Variants in SOCS2 observed in about 807,000 individuals in gnomAD.
The protein encoded by SOCS2 is CIS-2.
SOCS2 carries 10 observed loss-of-function variants against 18.6 expected under a neutral mutation model. The observed-to-expected ratio is 0.54, with a 90% CI of 0.33 to 0.91. SOCS2 has a LOEUF of 0.91. Ranked by LOEUF, SOCS2 falls within the 40% of genes least tolerant of loss-of-function variation. The probability of loss-of-function intolerance (pLI) is 0.02; values close to 1 mark genes in which losing one functional copy is unlikely to be tolerated. For missense variants in SOCS2, 231 were observed against 247.2 expected, an observed-to-expected ratio of 0.93 and a Z score of 0.44; for synonymous variants, 104 against 104.0, an observed-to-expected ratio of 1.00 and a Z score of 0.00.
chr12:93,587,129 C>T (rs535809025), downstream of SOCS2, among the ~76,000 whole-genome samples: 16 of 152,240 alleles, frequency 1.1e-4, no homozygotes, highest in Admixed American at 3.9e-4. Context: ...GATGGCACCA[C>T]TGCACTCCTG....
the SOCS2 span, among the ~76,000 whole-genome samples, chr12:93,611,120 T>A: frequency 0.015 from 2,317 of 152,284 alleles, 72 homozygotes; most frequent in African/African-American, 0.053. Context: ...GATGAACTTC[T>A]GGCCAGTTAT....
the SOCS2 span, among the ~76,000 whole-genome samples, chr12:93,626,071 A>G: frequency 1.3e-5 from 2 of 152,210 alleles, no homozygotes; most frequent in South Asian, 4.1e-4. Flanking sequence ...TGGGTTTTAG[A>G]CGGTTCTGCC....
At chr12:93,622,775 C>T in the SOCS2 span, among the ~76,000 whole-genome samples, 4 of 152,100 alleles carry the variant, frequency 2.6e-5, no homozygotes, top group Non-Finnish European at 5.9e-5. Context: ...GCACATCTCA[C>T]TCAGAAATCG....
chr12:93,589,039 G>C, the SOCS2 span, among the ~76,000 whole-genome samples: 1 of 152,186 alleles, frequency 6.6e-6, no homozygotes, highest in Admixed American at 6.5e-5. Context: ...TGCCACATGT[G>C]TTCCTTTCTT....
the SOCS2 span, among the ~76,000 whole-genome samples, chr12:93,590,822 A>AAAAAAAAAG: frequency 1.4e-5 from 2 of 142,884 alleles, 1 homozygote; most frequent in African/African-American, 5.3e-5. Context: ...AAAAAAAAAA[A>AAAAAAAAAG]GTTAGCTTCC....
At chr12:93,598,309 G>T in the SOCS2 span, among the ~76,000 whole-genome samples, 1 of 151,948 alleles carries the variant, frequency 6.6e-6, no homozygotes, top group Admixed American at 6.6e-5. Flanking sequence ...GGAGGAAGTA[G>T]GAGATGAGCT....
chr12:93,624,231 AC>A, the SOCS2 span, among the ~76,000 whole-genome samples: 1 of 152,118 alleles, frequency 6.6e-6, no homozygotes, highest in African/African-American at 2.4e-5. Context: ...CAGACACGAA[AC>A]CTGCCAGCGC....
the SOCS2 span, among the ~76,000 whole-genome samples, chr12:93,603,774 A>C: frequency 1.3e-5 from 2 of 152,214 alleles, no homozygotes. Context: ...ATGTAGTCTG[A>C]AAATGGCCAA....
At chr12:93,609,316 C>G in the SOCS2 span, among the ~76,000 whole-genome samples, 1 of 151,868 alleles carries the variant, frequency 6.6e-6, no homozygotes, top group Non-Finnish European at 1.5e-5. Flanking sequence ...TGCTTGAACC[C>G]GGGAGACAGA....
chr12:93,594,862 C>A, the SOCS2 span, among the ~76,000 whole-genome samples: 3 of 152,080 alleles, frequency 2.0e-5, no homozygotes, highest in African/African-American at 7.2e-5. Context: ...GTTACATAAC[C>A]AGTACATGAA....
At chr12:93,586,059 C>T (rs935280911), downstream of SOCS2, among the ~76,000 whole-genome samples, 1 of 151,618 alleles carries the variant, frequency 6.6e-6, no homozygotes, top group Non-Finnish European at 1.5e-5. Flanking sequence ...TTTTTTCCCT[C>T]CCCCAAATAT....
At chr12:93,593,989 C>T in the SOCS2 span, among the ~76,000 whole-genome samples, 5 of 152,156 alleles carry the variant, frequency 3.3e-5, no homozygotes, top group Admixed American at 6.5e-5. Flanking sequence ...TTCCATAACA[C>T]ATTACAAGCC....
the SOCS2 span, among the ~76,000 whole-genome samples, chr12:93,617,076 G>C: frequency 6.6e-6 from 1 of 152,144 alleles, no homozygotes; most frequent in Non-Finnish European, 1.5e-5. Context: ...TCCATTGATG[G>C]GGATCAGGCA....
At chr12:93,617,871 G>C in the SOCS2 span, among the ~76,000 whole-genome samples, 1 of 152,000 alleles carries the variant, frequency 6.6e-6, no homozygotes, top group African/African-American at 2.4e-5. Context: ...GCCTGGACAG[G>C]AGCAGTACCC....
chr12:93,614,619 CTTTCTTTCTTTCTTTT>C, the SOCS2 span, among the ~76,000 whole-genome samples: 2 of 93,814 alleles, frequency 2.1e-5, no homozygotes, highest in African/African-American at 8.6e-5. Flanking sequence ...TTCTTTCTTT[CTTTCTTTCTTTCTTTT>C]GATGGAGTCT....
At chr12:93,625,437 A>G in the SOCS2 span, among the ~76,000 whole-genome samples, 3 of 152,184 alleles carry the variant, frequency 2.0e-5, no homozygotes, top group African/African-American at 7.2e-5. Context: ...CTCAGGATTC[A>G]GCCCTTCAAA....
the SOCS2 span, among the ~76,000 whole-genome samples, chr12:93,624,454 C>T: frequency 1.3e-5 from 2 of 152,144 alleles, no homozygotes; most frequent in African/African-American, 4.8e-5. Context: ...CACCTGTAGT[C>T]CCAGCTACTA....
the SOCS2 span, among the ~76,000 whole-genome samples, chr12:93,625,439 C>T: frequency 3.3e-5 from 5 of 152,096 alleles, no homozygotes; most frequent in Non-Finnish European, 5.9e-5. Flanking sequence ...CAGGATTCAG[C>T]CCTTCAAAGC....
At chr12:93,583,060 T>C (rs1270702865) in exon 2 of SOCS2, 1 of 152,086 alleles carries the variant, frequency 6.6e-6, no homozygotes, top group African/African-American at 2.4e-5. Flanking sequence ...AATTTTGTGT[T>C]TTCTTTTAGC....
Sources: gnomAD v4.1 joint callset for allele counts (sites outside exome capture counted in the v4.1 genomes callset) on GRCh38, gnomAD v4.1.1 for gene constraint, MANE v1.5 for transcripts, NCBI Gene and HGNC (gene_info 2026-07-23, HGNC 2026-07-21) for gene names.